Variants in DOCK2 observed in about 807,000 individuals in gnomAD.
DOCK2 encodes dedicator of cytokinesis protein 2.
In DOCK2, 87 loss-of-function variants were observed where a neutral mutation model predicts 248.9. The ratio of observed to expected loss-of-function variants is 0.35; its 90% CI spans 0.29 to 0.42. The LOEUF is 0.42. Among genes scored for constraint, DOCK2 ranks in the 10% least tolerant of loss-of-function variants. The probability of loss-of-function intolerance (pLI) is 1.00; values close to 1 mark genes in which losing one functional copy is unlikely to be tolerated. For missense variants in DOCK2, 1,747 were observed against 2,300.2 expected (o/e 0.76, Z 4.92); for synonymous variants, 805 against 821.6 (o/e 0.98, Z 0.35).
At chr5:170,033,626 G>GGAC (rs1409326914) in intron 34 of DOCK2, among the ~76,000 whole-genome samples, 1 of 152,130 alleles carries the variant, frequency 6.6e-6, no homozygotes, top group Non-Finnish European at 1.5e-5. Context: ...ATGTGACCTT[G>GGAC]GACAGCTTAG....
intron 25 of DOCK2, among the ~76,000 whole-genome samples, chr5:169,791,449 G>T (rs150138365): frequency 6.6e-6 from 1 of 152,306 alleles, no homozygotes. Flanking sequence ...TTTCTTTTCA[G>T]TCCCCTGGGA....
At chr5:169,683,294 AT>A (rs1554088235) in intron 7 of DOCK2, among the ~76,000 whole-genome samples, 1 of 152,098 alleles carries the variant, frequency 6.6e-6, no homozygotes, top group Non-Finnish European at 1.5e-5. Flanking sequence ...TAATGGTGTG[AT>A]CATGGCTCAC....
At chr5:170,068,078 T>G (rs1157826814) in intron 45 of DOCK2, among the ~76,000 whole-genome samples, 2 of 152,112 alleles carry the variant, frequency 1.3e-5, no homozygotes, top group African/African-American at 2.4e-5. Context: ...TGTATACTAA[T>G]GGAAAGAAAT....
intron 27 of DOCK2, 94 bp from the exon 28 acceptor site, chr5:169,982,974 T>G: frequency 8.4e-7 from 1 of 1,194,288 alleles, no homozygotes; most frequent in Non-Finnish European, 1.2e-6. Context: ...AAATACTTTA[T>G]TGATGAATGA....
rs60140740 is a variant in DOCK2 at position 169,800,944 on chromosome 5, C to CTTTTTTTTTTTTTTTTTTTTTTTTTTTTT, written c.2555-2113_2555-2085dup. ...TTTTTCTTTTTTCTTTTCTTTCTTT[C>CTTTTTTTTTTTTTTTTTTTTTTTTTTTTT]TTTTTTTTTTTTTTTTTTTTTTTTT... On this transcript the variant is annotated intron_variant, in intron 25 of 51. Transcript: ENST00000520908. 2.3e-4 allele frequency among the ~76,000 whole-genome samples: 12 copies of CTTTTTTTTTTTTTTTTTTTTTTTTTTTTT among 53,196 alleles called. 1 individual carries two copies. Among genetic ancestry groups the CTTTTTTTTTTTTTTTTTTTTTTTTTTTTT allele is most frequent in the East Asian group, 1.9e-3 (3 of 1,544 alleles). The allele number at this position is 53,196 out of a possible 152,430, so 34.9% of individuals were successfully genotyped here.
chr5:170,008,633 G>T (rs1263574064), intron 31 of DOCK2, 36 bp downstream of exon 31: 1 of 1,613,992 alleles, frequency 6.2e-7, no homozygotes, highest in African/African-American at 1.3e-5. Flanking sequence ...AAGAGGGGGA[G>T]GTCCATGAGA....
Position 169,716,199 on chromosome 5 carries a change from G to C in DOCK2, c.1942-14G>C, listed in dbSNP as rs756134801. On this transcript the variant is annotated splice_polypyrimidine_tract_variant and intron_variant, in intron 19 of 51. Coordinates refer to ENST00000520908, the MANE Select transcript of DOCK2 (RefSeq NM_004946.3). ...TTGTTTCTGAAGTAGTGCAACCTTT[G>C]TTATTTCTTCCAGTTTCTCCAGGAT... 1 of 1,612,598 alleles carries C rather than the reference G, an allele frequency of 6.2e-7. No homozygotes were observed. The highest frequency in any genetic ancestry group is 1.7e-5 in the Admixed American group (1 of 59,980).
chr5:169,710,867 T>C (rs1041687689), intron 15 of DOCK2, among the ~76,000 whole-genome samples: 1 of 152,236 alleles, frequency 6.6e-6, no homozygotes, highest in Non-Finnish European at 1.5e-5. Flanking sequence ...ACCTCAGTTG[T>C]ATCTCCTTGC....
chr5:170,008,768 G>T, intron 32 of DOCK2, 22 bp downstream of exon 32: 1 of 1,613,812 alleles, frequency 6.2e-7, no homozygotes, highest in Non-Finnish European at 8.5e-7. Context: ...CACACATCCA[G>T]ATACTCACAT....
At chr5:169,691,867 T>A (rs556761860) in intron 9 of DOCK2, among the ~76,000 whole-genome samples, 48 of 150,858 alleles carry the variant, frequency 3.2e-4, no homozygotes, top group Middle Eastern at 3.4e-3. Flanking sequence ...TTATTTATTT[T>A]TTTTTTTGAG....
At chr5:169,769,902 G>A (rs1764993799) in intron 25 of DOCK2, among the ~76,000 whole-genome samples, 1 of 152,200 alleles carries the variant, frequency 6.6e-6, no homozygotes, top group Admixed American at 6.5e-5. Context: ...TTAAGGATAA[G>A]GGAAGTTGTA....
Position 169,712,158 on chromosome 5 carries a change from G to A in DOCK2, c.1594G>A (p.Val532Met), listed in dbSNP as rs149411090. Residue 532 changes from valine (V) to methionine (M), a missense_variant, in exon 17 of 52, where the codon GTG becomes ATG. Val to Met is a conservative substitution (Grantham distance 21). This residue lies in a region of DOCK2 where 858 missense variants were observed against 1,183.5 expected (regional missense o/e 0.72). Transcript: ENST00000520908. ...KGEKNFAMSYVKLMKEDGTTL... is the reference protein window; with the variant it reads ...KGEKNFAMSYMKLMKEDGTTL... ...AGAAAAGAACTTTGCCATGTCCTATGTGAAGCTGATGAAAGAAGATGGGAC... is the reference window on the plus strand; with the variant it reads ...AGAAAAGAACTTTGCCATGTCCTATATGAAGCTGATGAAAGAAGATGGGAC... 1.0e-4 allele frequency: 161 copies of A among 1,614,120 alleles called. No individual in the cohort carries two copies. In the African/African-American group the frequency reaches 2.1e-3, roughly 21 times the overall value.
chr5:169,943,912 C>G (rs1275882905), intron 27 of DOCK2, among the ~76,000 whole-genome samples: 1 of 152,176 alleles, frequency 6.6e-6, no homozygotes, highest in Non-Finnish European at 1.5e-5. Flanking sequence ...TCATCTTTGC[C>G]ACTTAATTCA....
intron 42 of DOCK2, among the ~76,000 whole-genome samples, chr5:170,056,190 C>G (rs1427536498): frequency 2.6e-5 from 4 of 152,202 alleles, no homozygotes; most frequent in Non-Finnish European, 5.9e-5. Context: ...ACCTTCTCAC[C>G]TTCTCAGACA....
chr5:169,897,438 C>T (rs1202267185), intron 27 of DOCK2, among the ~76,000 whole-genome samples: 1 of 152,138 alleles, frequency 6.6e-6, no homozygotes, highest in Non-Finnish European at 1.5e-5. Flanking sequence ...ATCCTCCTGC[C>T]TCTTCCTCCC....
chr5:169,880,462 T>TA (rs1772574674), intron 27 of DOCK2, among the ~76,000 whole-genome samples: 1 of 152,186 alleles, frequency 6.6e-6, no homozygotes, highest in Admixed American at 6.5e-5. Context: ...AAGAGAAGTG[T>TA]AATAGAGAAA....
chr5:169,695,799 C>T lies in DOCK2; in HGVS notation c.844-4C>T. 3 of 1,612,840 alleles carry T rather than the reference C, an allele frequency of 1.9e-6. No homozygotes were observed. Among genetic ancestry groups the T allele is most frequent in the Non-Finnish European group, 2.5e-6 (3 of 1,179,690 alleles). On this transcript the variant is annotated splice_region_variant and splice_polypyrimidine_tract_variant and intron_variant, in intron 9 of 51. Transcript: ENST00000520908. ...TGGTCAATTTTTTGTTTCTTTCCCCCCAGGATCTTGGAAACAAAGACCTCA... is the reference window on the plus strand; with the variant it reads ...TGGTCAATTTTTTGTTTCTTTCCCCTCAGGATCTTGGAAACAAAGACCTCA...
intron 26 of DOCK2, among the ~76,000 whole-genome samples, chr5:169,833,510 C>T (rs1246287175): frequency 6.6e-6 from 1 of 152,082 alleles, no homozygotes; most frequent in Non-Finnish European, 1.5e-5. Flanking sequence ...AATGGTAGTA[C>T]CAGGTGCCCC....
At chr5:169,917,650 G>C (rs1774950057) in intron 27 of DOCK2, among the ~76,000 whole-genome samples, 1 of 152,160 alleles carries the variant, frequency 6.6e-6, no homozygotes, top group African/African-American at 2.4e-5. Context: ...AGTCCCAAAG[G>C]AATCAGACAT....
Sources: allele counts gnomAD v4.1 joint callset (sites outside exome capture counted in the v4.1 genomes callset), GRCh38; gene constraint gnomAD v4.1.1; regional missense constraint gnomAD v4.1.1; transcripts MANE v1.5; gene names NCBI Gene and HGNC (gene_info 2026-07-23, HGNC 2026-07-21).